ARL15: variants seen among roughly 807,000 people sequenced by gnomAD.
The protein encoded by ARL15 is ARF like GTPase 15, also known as ADP-ribosylation factor-like protein 15.
A neutral mutation model predicts 25.2 loss-of-function variants in ARL15; 19 were observed. That is an observed-to-expected ratio of 0.75 (90% CI 0.53 to 1.10). The LOEUF is 1.10. Ranked by LOEUF, ARL15 falls within the 50% of genes least tolerant of loss-of-function variation. The probability of loss-of-function intolerance (pLI) is 0.00; values close to 1 mark genes in which losing one functional copy is unlikely to be tolerated. For synonymous variants in ARL15, 94 were observed against 86.8 expected (o/e 1.08, Z -0.46); for missense variants, 220 against 246.0 (o/e 0.89, Z 0.71).
chr5:54,172,540 T>C (rs1357050097), intron 1 of ARL15, among the ~76,000 whole-genome samples: 1 of 152,062 alleles, frequency 6.6e-6, no homozygotes, highest in East Asian at 1.9e-4. Context: ...TGTACTGTGG[T>C]TATGTAAGAA....
chr5:53,913,076 G>C (rs1212324881), intron 4 of ARL15, among the ~76,000 whole-genome samples: 1 of 152,174 alleles, frequency 6.6e-6, no homozygotes, highest in Non-Finnish European at 1.5e-5. Flanking sequence ...GACGCAGGAA[G>C]GTCACTTGAG....
chr5:54,226,205 G>C (rs897422994), intron 1 of ARL15, among the ~76,000 whole-genome samples: 5 of 152,148 alleles, frequency 3.3e-5, no homozygotes, highest in African/African-American at 1.2e-4. Flanking sequence ...AAGGCCTGAA[G>C]GTTGAGCAGG....
At chr5:53,980,980 C>CA (rs945541333) in intron 4 of ARL15, among the ~76,000 whole-genome samples, 3 of 151,968 alleles carry the variant, frequency 2.0e-5, no homozygotes, top group Middle Eastern at 3.4e-3. Context: ...GACCCAGTTT[C>CA]AAAAAAACAA....
intron 4 of ARL15, among the ~76,000 whole-genome samples, chr5:54,060,865 G>A (rs912212915): frequency 1.3e-5 from 2 of 152,186 alleles, no homozygotes; most frequent in Admixed American, 1.3e-4. Flanking sequence ...CATTCAAGAG[G>A]AGACTTGGAT....
chr5:53,891,772 G>C (rs1744717377), intron 4 of ARL15, among the ~76,000 whole-genome samples: 1 of 152,136 alleles, frequency 6.6e-6, no homozygotes. Context: ...TATCTAAGGA[G>C]CTTTGGAAAG....
chr5:53,929,170 C>CAAA (rs3990747), intron 4 of ARL15, among the ~76,000 whole-genome samples: 5 of 142,244 alleles, frequency 3.5e-5, no homozygotes, highest in East Asian at 2.0e-4. Flanking sequence ...AAATAAGTTC[C>CAAA]AAAAAAAAAA....
intron 1 of ARL15, among the ~76,000 whole-genome samples, chr5:54,236,432 AC>A (rs1756810649): frequency 6.6e-6 from 1 of 151,936 alleles, no homozygotes; most frequent in Non-Finnish European, 1.5e-5. Context: ...ACACACACAC[AC>A]ACACACACAC....
At chr5:53,985,340 T>A (rs907255825) in intron 4 of ARL15, among the ~76,000 whole-genome samples, 1 of 152,246 alleles carries the variant, frequency 6.6e-6, no homozygotes, top group Non-Finnish European at 1.5e-5. Context: ...TAACCATTTT[T>A]AAGTGTACAG....
chr5:54,208,658 T>C (rs1755944389), intron 1 of ARL15, among the ~76,000 whole-genome samples: 1 of 152,172 alleles, frequency 6.6e-6, no homozygotes, highest in African/African-American at 2.4e-5. Flanking sequence ...CTATACCAAC[T>C]AAACCATCAG....
At chr5:53,992,497 A>T (rs1297647574) in intron 4 of ARL15, among the ~76,000 whole-genome samples, 1 of 152,252 alleles carries the variant, frequency 6.6e-6, no homozygotes, top group Non-Finnish European at 1.5e-5. Context: ...CTTTTATGGC[A>T]GTACCTACCC....
At chr5:53,894,223 C>T (rs1355983315) in intron 4 of ARL15, among the ~76,000 whole-genome samples, 2 of 152,136 alleles carry the variant, frequency 1.3e-5, no homozygotes, top group Non-Finnish European at 2.9e-5. Context: ...AATTGAAAAC[C>T]AGACAAATAA....
intron 4 of ARL15, among the ~76,000 whole-genome samples, chr5:54,034,351 C>T (rs1449737264): frequency 6.6e-6 from 1 of 152,118 alleles, no homozygotes; most frequent in Non-Finnish European, 1.5e-5. Flanking sequence ...AAAAATAATA[C>T]CCATACTATG....
intron 4 of ARL15, among the ~76,000 whole-genome samples, chr5:54,108,991 T>C (rs947670775): frequency 2.0e-5 from 3 of 152,058 alleles, no homozygotes; most frequent in African/African-American, 7.2e-5. Flanking sequence ...AAACCAGTAA[T>C]GTTTATATCA....
At chr5:54,289,536 G>A (rs150450919) in intron 1 of ARL15, among the ~76,000 whole-genome samples, 83 of 152,270 alleles carry the variant, frequency 5.5e-4, no homozygotes, top group African/African-American at 1.9e-3. Context: ...TATTTCTACC[G>A]TAAAAAGTCA....
intron 3 of ARL15, among the ~76,000 whole-genome samples, chr5:54,123,331 G>A (rs10071027): frequency 0.23 from 34,829 of 151,868 alleles, 4,438 homozygotes; most frequent in African/African-American, 0.34. Context: ...GGATGGTTTC[G>A]ATCTCCTGAC....
At chr5:54,002,485 T>G (rs1445877462) in intron 4 of ARL15, among the ~76,000 whole-genome samples, 1 of 152,200 alleles carries the variant, frequency 6.6e-6, no homozygotes, top group East Asian at 1.9e-4. Context: ...TGTTTAACAT[T>G]AGTTGTAATA....
chr5:54,248,521 A>G (rs544671123), intron 1 of ARL15, among the ~76,000 whole-genome samples: 18 of 152,294 alleles, frequency 1.2e-4, no homozygotes, highest in African/African-American at 4.1e-4. Flanking sequence ...CCTTACAGGG[A>G]AATAAATTTC....
chr5:54,290,464 C>T (rs776357706), intron 1 of ARL15, among the ~76,000 whole-genome samples: 2 of 151,936 alleles, frequency 1.3e-5, no homozygotes, highest in South Asian at 2.1e-4. Context: ...AGTGCCACCA[C>T]GTCCAGCTAA....
chr5:53,925,558 T>A (rs1745992126), intron 4 of ARL15, among the ~76,000 whole-genome samples: 1 of 152,194 alleles, frequency 6.6e-6, no homozygotes, highest in Non-Finnish European at 1.5e-5. Flanking sequence ...ATCTCAGTGC[T>A]TTGGGAGGCC....
Sources: gnomAD v4.1 joint callset for allele counts (sites outside exome capture counted in the v4.1 genomes callset) on GRCh38, gnomAD v4.1.1 for gene constraint, MANE v1.5 for transcripts, NCBI Gene and HGNC (gene_info 2026-07-23, HGNC 2026-07-21) for gene names.